FAT3: variants seen among roughly 807,000 people sequenced by gnomAD.
FAT3 encodes the protein protocadherin Fat 3.
A neutral mutation model predicts 310.2 loss-of-function variants in FAT3; 95 were observed. The observed-to-expected ratio is 0.31, with a 90% confidence interval of 0.26 to 0.36. The LOEUF is 0.36. Ranked by LOEUF, FAT3 falls within the 10% of genes least tolerant of loss-of-function variation. FAT3 has a pLI of 1.00. For synonymous variants in FAT3, 2,314 were observed against 2,192.9 expected, an observed-to-expected ratio of 1.06 and a Z score of -1.54; for missense variants, 5,408 against 5,715.6, an observed-to-expected ratio of 0.95 and a Z score of 1.74.
At chr11:92,344,422 T>C (rs1488338195) in intron 1 of FAT3, among the ~76,000 whole-genome samples, 1 of 152,186 alleles carries the variant, frequency 6.6e-6, no homozygotes, top group Admixed American at 6.5e-5. Flanking sequence ...TGTTATCAGA[T>C]CACCAATCCT....
At chr11:92,731,525 T>C (rs1243683985) in intron 4 of FAT3, among the ~76,000 whole-genome samples, 1 of 152,152 alleles carries the variant, frequency 6.6e-6, no homozygotes, top group Non-Finnish European at 1.5e-5. Context: ...TTACAAAACA[T>C]GCACTTAAAC....
chr11:92,410,548 G>A (rs1950233772), intron 2 of FAT3, among the ~76,000 whole-genome samples: 1 of 152,124 alleles, frequency 6.6e-6, no homozygotes, highest in African/African-American at 2.4e-5. Context: ...AAGCCCAAGA[G>A]ACATTCCCCA....
At chr11:92,432,715 G>C (rs1394473370) in intron 2 of FAT3, among the ~76,000 whole-genome samples, 1 of 152,146 alleles carries the variant, frequency 6.6e-6, no homozygotes, top group East Asian at 1.9e-4. Context: ...GAGGCACGGG[G>C]TCAGGGACCC....
chr11:92,850,082 A>G (rs1948783680), intron 19 of FAT3, among the ~76,000 whole-genome samples: 2 of 152,234 alleles, frequency 1.3e-5, no homozygotes, highest in African/African-American at 4.8e-5. Flanking sequence ...GTGTTTTTAT[A>G]TAGCAGAGAA....
intron 1 of FAT3, among the ~76,000 whole-genome samples, chr11:92,248,474 T>A (rs888027222): frequency 6.6e-6 from 1 of 152,142 alleles, no homozygotes; most frequent in Non-Finnish European, 1.5e-5. Flanking sequence ...TCAGGTGTTA[T>A]AAATACCATA....
intron 3 of FAT3, among the ~76,000 whole-genome samples, chr11:92,591,596 T>A (rs1939429940): frequency 6.6e-6 from 1 of 152,156 alleles, no homozygotes; most frequent in Admixed American, 6.5e-5. Flanking sequence ...TTTCAGAAAA[T>A]GTTTTCATGT....
chr11:92,891,213 G>A lies in FAT3; in HGVS notation c.*100G>A. ...GGAGCATTGTCTGTGGAATGAGAAG[G>A]GAATACTGTATTTTTCCACTAGAAA... On this transcript the variant is annotated 3_prime_UTR_variant, in exon 28 of 28. Coordinates refer to ENST00000525166, the MANE Select transcript of FAT3 (RefSeq NM_001367949.2). The A allele has an allele frequency of 7.0e-7, 1 of 1,437,694 alleles. No individual in the cohort carries two copies. Among genetic ancestry groups the A allele is most frequent in the South Asian group, 1.3e-5 (1 of 75,712 alleles). The allele number at this position is 1,437,694 out of a possible 1,614,324, so 89.1% of individuals were successfully genotyped here.
chr11:92,265,535 G>A (rs1221638835), intron 1 of FAT3, among the ~76,000 whole-genome samples: 1 of 151,942 alleles, frequency 6.6e-6, no homozygotes, highest in African/African-American at 2.4e-5. Flanking sequence ...TGTGGGGTTG[G>A]GAGAATCTGG....
intron 3 of FAT3, among the ~76,000 whole-genome samples, chr11:92,614,764 A>G (rs1391550893): frequency 6.6e-6 from 1 of 152,160 alleles, no homozygotes; most frequent in Non-Finnish European, 1.5e-5. Context: ...TTTTTGTGTC[A>G]TACCTAAGAA....
chr11:92,598,772 G>T (rs1040271830), intron 3 of FAT3, among the ~76,000 whole-genome samples: 3 of 152,098 alleles, frequency 2.0e-5, no homozygotes, highest in East Asian at 1.9e-4. Context: ...TTTACTAACT[G>T]GATATCATTG....
intron 19 of FAT3, among the ~76,000 whole-genome samples, chr11:92,854,274 G>A (rs1441201398): frequency 6.6e-6 from 1 of 152,202 alleles, no homozygotes; most frequent in Non-Finnish European, 1.5e-5. Context: ...GCAGGAGCAG[G>A]CACTTCTGAG....
chr11:92,834,820 A>G, intron 14 of FAT3, 50 bp from the exon 15 acceptor site: 2 of 1,423,916 alleles, frequency 1.4e-6, no homozygotes, highest in South Asian at 2.6e-5. Flanking sequence ...AGAATTGCTG[A>G]CCAGTGTTTT....
intron 3 of FAT3, among the ~76,000 whole-genome samples, chr11:92,566,334 G>A (rs1413704248): frequency 3.3e-5 from 5 of 152,114 alleles, no homozygotes; most frequent in Admixed American, 6.5e-5. Context: ...TACAAGGGAC[G>A]TGAAGGAACT....
At position 92,353,419 on chromosome 11, in the gene FAT3, A is replaced by T. The variant is rs748440423; in HGVS notation, c.1307A>T (p.Asn436Ile). 10 of 1,613,486 alleles carry T rather than the reference A, an allele frequency of 6.2e-6. No individual in the cohort carries two copies. The part of the protein sequence containing the change: ...SGLIVTARPL[N>I]TVKKEVYKLE... The stretch of plus-strand genomic sequence containing the variant: ...CTGATTGTTACAGCACGGCCACTGA[A>T]TACTGTTAAGAAGGAGGTTTATAAA... Residue 436 changes from asparagine (N) to isoleucine (I), a missense_variant, in exon 2 of 28, where the codon AAT becomes ATT. By Grantham distance (149) the Asn-to-Ile change is moderately radical. This residue lies in a region of FAT3 where 4,588 missense variants were observed against 4,809.8 expected (regional missense o/e 0.95). Transcript: ENST00000525166.
intron 3 of FAT3, among the ~76,000 whole-genome samples, chr11:92,602,135 G>A (rs531752492): frequency 8.6e-5 from 13 of 151,864 alleles, no homozygotes; most frequent in South Asian, 2.1e-4. Flanking sequence ...GTGCAATGGC[G>A]CAATCTCGGC....
rs532934911 is a variant in FAT3 at position 92,651,424 on chromosome 11, T to C, written c.3608-45960T>C. On this transcript the variant is annotated intron_variant, in intron 3 of 27. Coordinates refer to ENST00000525166, the MANE Select transcript of FAT3 (RefSeq NM_001367949.2). ...TCAGGAATAGGCACAGTATGGAACA[T>C]GCTTTCCTGGTGTGTGAATCATTCC... is the stretch of plus-strand genomic sequence containing the variant. Among the ~76,000 whole-genome samples, 32 of 152,304 alleles carry C rather than the reference T, an allele frequency of 2.1e-4. No individual in the cohort carries two copies. In the South Asian group the frequency reaches 6.6e-3, roughly 32 times the overall value.
chr11:92,536,263 G>T (rs1030332840), intron 3 of FAT3, among the ~76,000 whole-genome samples: 7 of 152,202 alleles, frequency 4.6e-5, no homozygotes, highest in Non-Finnish European at 7.3e-5. Context: ...ATTGATAGCA[G>T]TCCTGTTGCT....
intron 1 of FAT3, among the ~76,000 whole-genome samples, chr11:92,342,055 A>T (rs1948279603): frequency 6.6e-6 from 1 of 152,096 alleles, no homozygotes; most frequent in Non-Finnish European, 1.5e-5. Context: ...CCAAATAGAC[A>T]AGCACTTACA....
intron 2 of FAT3, among the ~76,000 whole-genome samples, chr11:92,494,165 T>C (rs1305603021): frequency 6.6e-6 from 1 of 151,840 alleles, no homozygotes; most frequent in African/African-American, 2.4e-5. Context: ...TAGATCTCAT[T>C]GAGAACTCCC....
Sources: allele counts gnomAD v4.1 joint callset (sites outside exome capture counted in the v4.1 genomes callset), GRCh38; gene constraint gnomAD v4.1.1; regional missense constraint gnomAD v4.1.1; transcripts MANE v1.5; gene names NCBI Gene and HGNC (gene_info 2026-07-23, HGNC 2026-07-21).